PIP5K1B: variants seen among roughly 807,000 people sequenced by gnomAD.
PIP5K1B encodes the protein phosphatidylinositol 4-phosphate 5-kinase type-1 beta.
In PIP5K1B, 42 loss-of-function variants were observed where a neutral mutation model predicts 67.0. That is an observed-to-expected ratio of 0.63 (90% CI 0.49 to 0.81). PIP5K1B has a LOEUF of 0.81. PIP5K1B is among the 30% of genes least tolerant of loss of function. The pLI is 0.00. For missense variants in PIP5K1B, 459 were observed against 646.3 expected (o/e 0.71, Z 3.14); for synonymous variants, 214 against 231.4 (o/e 0.92, Z 0.68).
chr9:68,858,064 C>G (rs1328730545), intron 4 of PIP5K1B, among the ~76,000 whole-genome samples: 1 of 152,022 alleles, frequency 6.6e-6, no homozygotes, highest in Non-Finnish European at 1.5e-5. Context: ...ACCTTTGCCT[C>G]CTGGGTTCAA....
chr9:68,929,591 C>T (rs1826890802), intron 12 of PIP5K1B, among the ~76,000 whole-genome samples: 1 of 152,142 alleles, frequency 6.6e-6, no homozygotes, highest in African/African-American at 2.4e-5. Flanking sequence ...TCCCACCACT[C>T]TACCAAAATG....
chr9:68,755,883 A>G (rs1484575075), intron 2 of PIP5K1B, among the ~76,000 whole-genome samples: 2 of 152,242 alleles, frequency 1.3e-5, no homozygotes, highest in Non-Finnish European at 2.9e-5. Flanking sequence ...AGAGAGCCTG[A>G]AAAACAATGC....
chr9:68,744,447 C>A (rs1440509192), intron 2 of PIP5K1B, among the ~76,000 whole-genome samples: 1 of 152,192 alleles, frequency 6.6e-6, no homozygotes, highest in Non-Finnish European at 1.5e-5. Context: ...TAATAAAAAG[C>A]CCCACTTTAA....
intron 15 of PIP5K1B, among the ~76,000 whole-genome samples, chr9:69,000,893 A>AT (rs1830794418): frequency 3.2e-5 from 3 of 94,714 alleles, no homozygotes. Context: ...TGGGAGCACA[A>AT]CTTTTTTTTT....
At chr9:68,890,079 C>G (rs1200254958) in intron 7 of PIP5K1B, among the ~76,000 whole-genome samples, 4 of 152,132 alleles carry the variant, frequency 2.6e-5, no homozygotes, top group African/African-American at 9.7e-5. Context: ...TGGGGCTACG[C>G]AAGCAAAAGG....
intron 4 of PIP5K1B, among the ~76,000 whole-genome samples, chr9:68,827,170 C>G (rs972818626): frequency 1.3e-5 from 2 of 152,190 alleles, no homozygotes; most frequent in African/African-American, 4.8e-5. Context: ...GTTGGCATTA[C>G]AGGAGAGGCT....
chr9:68,881,319 T>C (rs762188761), intron 6 of PIP5K1B, among the ~76,000 whole-genome samples: 49 of 152,136 alleles, frequency 3.2e-4, no homozygotes, highest in African/African-American at 9.7e-4. Flanking sequence ...ACAAAACACA[T>C]TGTGGAAGAG....
At chr9:68,896,365 C>T (rs1825085097) in intron 8 of PIP5K1B, among the ~76,000 whole-genome samples, 1 of 148,932 alleles carries the variant, frequency 6.7e-6, no homozygotes, top group African/African-American at 2.5e-5. Context: ...AAAAAAAAAG[C>T]AAATGTAAAA....
chr9:68,998,535 C>T (rs1383235220), intron 15 of PIP5K1B, among the ~76,000 whole-genome samples: 1 of 152,060 alleles, frequency 6.6e-6, no homozygotes, highest in Admixed American at 6.6e-5. Context: ...TTTTGTCTTC[C>T]TTGTCAGAGA....
intron 14 of PIP5K1B, among the ~76,000 whole-genome samples, chr9:68,958,613 C>G (rs1468482311): frequency 6.6e-6 from 1 of 152,088 alleles, no homozygotes; most frequent in Admixed American, 6.5e-5. Context: ...AGATATAATT[C>G]TTTGCTTTTT....
intron 2 of PIP5K1B, among the ~76,000 whole-genome samples, chr9:68,794,269 G>A (rs1482732515): frequency 3.9e-5 from 6 of 152,184 alleles, no homozygotes; most frequent in Non-Finnish European, 8.8e-5. Context: ...AGGAACTGAA[G>A]CGAAAGGTCA....
chr9:68,736,949 A>G (rs1828769350), intron 1 of PIP5K1B, among the ~76,000 whole-genome samples: 1 of 152,166 alleles, frequency 6.6e-6, no homozygotes, highest in Non-Finnish European at 1.5e-5. Flanking sequence ...AACCATTCCC[A>G]TTGTTGAATA....
intron 2 of PIP5K1B, among the ~76,000 whole-genome samples, chr9:68,815,513 T>C (rs1216924744): frequency 6.6e-6 from 1 of 151,904 alleles, no homozygotes; most frequent in East Asian, 1.9e-4. Flanking sequence ...AATAAGTCAA[T>C]AAGACAATGT....
chr9:68,921,298 G>T lies in PIP5K1B; in HGVS notation c.1116+1569G>T, dbSNP rs1232383533. Among the ~76,000 whole-genome samples, 9 of 150,280 alleles carry T rather than the reference G, an allele frequency of 6.0e-5. 1 individual carries two copies. The highest frequency in any genetic ancestry group is 3.3e-4 in the Admixed American group (5 of 15,102). ...ATATAGCAAGACCCTGTCTCTAAAA[G>T]AAAATTTTTTAATTAAAAAAAAAAA... is the stretch of plus-strand genomic sequence containing the variant. On this transcript the variant is annotated intron_variant, in intron 11 of 15. Transcript: ENST00000265382.
At chr9:68,989,645 T>C (rs554956713) in intron 14 of PIP5K1B, among the ~76,000 whole-genome samples, 18 of 152,288 alleles carry the variant, frequency 1.2e-4, no homozygotes, top group African/African-American at 4.3e-4. Context: ...AAATTTTGTA[T>C]ATCCATGAGC....
chr9:68,949,407 A>G (rs558014749), intron 14 of PIP5K1B, among the ~76,000 whole-genome samples: 155 of 152,342 alleles, frequency 1.0e-3, no homozygotes, highest in African/African-American at 3.6e-3. Context: ...AGTTCTTTGG[A>G]AATAAACTCT....
At chr9:68,920,793 T>TACACACACACACACAC (rs879535374) in intron 11 of PIP5K1B, among the ~76,000 whole-genome samples, 1 of 133,788 alleles carries the variant, frequency 7.5e-6, no homozygotes, top group African/African-American at 2.9e-5. Flanking sequence ...CTCACACACA[T>TACACACACACACACAC]ACACACACAT....
At chr9:68,723,697 T>TTG in intron 1 of PIP5K1B, among the ~76,000 whole-genome samples, 1 of 26,484 alleles carries the variant, frequency 3.8e-5, no homozygotes, top group Admixed American at 3.8e-4. Flanking sequence ...AGTATTTGGT[T>TTG]TTTTTTTTTT....
At chr9:68,891,464 A>T (rs1424085815) in intron 7 of PIP5K1B, among the ~76,000 whole-genome samples, 1 of 151,536 alleles carries the variant, frequency 6.6e-6, no homozygotes, top group Non-Finnish European at 1.5e-5. Flanking sequence ...TTAAAAAATG[A>T]TAAATAAATC....
Sources: gnomAD v4.1 joint callset for allele counts (sites outside exome capture counted in the v4.1 genomes callset) on GRCh38, gnomAD v4.1.1 for gene constraint, MANE v1.5 for transcripts, NCBI Gene and HGNC (gene_info 2026-07-23, HGNC 2026-07-21) for gene names.